Variants in SAP30BP observed in about 807,000 individuals in gnomAD.
SAP30BP encodes the protein SAP30 binding protein.
In SAP30BP, 31 loss-of-function variants were observed where a neutral mutation model predicts 46.3. The observed-to-expected ratio is 0.67, with a 90% CI of 0.50 to 0.90. The LOEUF (loss-of-function observed/expected upper bound fraction) is 0.90. SAP30BP is among the 40% of genes least tolerant of loss of function. The pLI, the probability that SAP30BP is intolerant of heterozygous loss-of-function variation, is 0.00. For missense variants in SAP30BP, 312 were observed against 391.0 expected (o/e 0.80, Z 1.70); for synonymous variants, 169 against 144.2 (o/e 1.17, Z -1.23).
intron 3 of SAP30BP, among the ~76,000 whole-genome samples, chr17:75,686,044 A>G (rs2148395609): frequency 6.6e-6 from 1 of 152,358 alleles, no homozygotes; most frequent in East Asian, 1.9e-4. Context: ...AACATGTTCC[A>G]TGTAACAACA....
chr17:75,703,277 T>C, intron 6 of SAP30BP, 34 bp from the exon 7 acceptor site: 1 of 1,607,018 alleles, frequency 6.2e-7, no homozygotes, highest in Non-Finnish European at 8.5e-7. Context: ...GGACGTGGAC[T>C]TGTGCCTGCT....
intron 4 of SAP30BP, among the ~76,000 whole-genome samples, chr17:75,699,517 A>AC (rs1568320614): frequency 6.6e-6 from 1 of 152,110 alleles, no homozygotes; most frequent in African/African-American, 2.4e-5. Flanking sequence ...AAAAAAAAAA[A>AC]AAAAACGGAA....
chr17:75,697,703 C>T (rs1366776943), intron 4 of SAP30BP, among the ~76,000 whole-genome samples: 2 of 152,204 alleles, frequency 1.3e-5, no homozygotes, highest in Admixed American at 6.5e-5. Flanking sequence ...GCCCCAGGCT[C>T]GACTCCTGTC....
chr17:75,695,839 C>G (rs1312645411), intron 4 of SAP30BP, among the ~76,000 whole-genome samples: 1 of 152,210 alleles, frequency 6.6e-6, no homozygotes, highest in African/African-American at 2.4e-5. Flanking sequence ...CATGCACACC[C>G]TGTCTGTGCC....
At chr17:75,705,009 C>G (rs2060473442) in intron 9 of SAP30BP, 195 bp downstream of exon 9, 1 of 583,658 alleles carries the variant, frequency 1.7e-6, no homozygotes, top group South Asian at 2.0e-5. Context: ...GCTGCTTTTG[C>G]CCTCGGAGAC....
At chr17:75,704,695 G>A in intron 8 of SAP30BP, 61 bp from the exon 9 acceptor site, 1 of 1,236,230 alleles carries the variant, frequency 8.1e-7, no homozygotes, top group Non-Finnish European at 1.2e-6. Flanking sequence ...ATCAGAGTAG[G>A]CTCCCTCAGC....
intron 3 of SAP30BP, among the ~76,000 whole-genome samples, chr17:75,689,378 A>G (rs1028108746): frequency 2.6e-5 from 4 of 151,618 alleles, no homozygotes; most frequent in Non-Finnish European, 5.9e-5. Flanking sequence ...CAGCCTCCCA[A>G]CTCCCCCAGC....
Position 75,706,388 on chromosome 17 carries a change from C to G in SAP30BP, c.794C>G (p.Thr265Arg). Residue 265 changes from threonine (T) to arginine (R), a missense_variant, in exon 11 of 11, where the codon ACG becomes AGG. Thr to Arg is a moderately conservative substitution (Grantham distance 71, BLOSUM62 -1). Transcript: ENST00000584667. The surrounding 1 kb of genome is among the most constrained non-coding windows in gnomAD (Gnocchi z 4.6). ...TGGGATTCGGCTATCCCAGTGACAA[C>G]GATAGCCCAGCCCACCATCCTCACC... is the stretch of plus-strand genomic sequence containing the variant. ...SKWDSAIPVT[T>R]IAQPTILTTT... The G allele has an allele frequency of 6.2e-7, 1 of 1,614,024 alleles. No homozygotes were observed. The highest frequency in any genetic ancestry group is 8.5e-7 in the Non-Finnish European group (1 of 1,180,002).
At chr17:75,683,198 C>G (rs1043453902) in intron 3 of SAP30BP, among the ~76,000 whole-genome samples, 1 of 150,622 alleles carries the variant, frequency 6.6e-6, no homozygotes, top group African/African-American at 2.4e-5. Context: ...TGCACACCAC[C>G]ACGCCTGGCC....
chr17:75,688,305 T>C (rs562854190), intron 3 of SAP30BP, among the ~76,000 whole-genome samples: 1 of 152,332 alleles, frequency 6.6e-6, no homozygotes, highest in African/African-American at 2.4e-5. Flanking sequence ...CATCAGGCCA[T>C]GGGCTGTCCC....
intron 3 of SAP30BP, among the ~76,000 whole-genome samples, chr17:75,677,107 T>A (rs2060002240): frequency 9.1e-5 from 1 of 11,018 alleles, no homozygotes; most frequent in Non-Finnish European, 1.9e-3. Flanking sequence ...GGCAGAAAAC[T>A]TTTTTTTTTT....
At chr17:75,667,595 A>C (rs534241889) in intron 1 of SAP30BP, 117 bp downstream of exon 1, 1 of 877,688 alleles carries the variant, frequency 1.1e-6, no homozygotes, top group South Asian at 1.5e-5. Flanking sequence ...GACCCCGAAG[A>C]ATGGTCCAGG....
At chr17:75,677,115 T>A (rs939176712) in intron 3 of SAP30BP, among the ~76,000 whole-genome samples, 2 of 150,174 alleles carry the variant, frequency 1.3e-5, no homozygotes, top group Admixed American at 6.6e-5. Flanking sequence ...ACTTTTTTTT[T>A]TTTTTTTTTT....
intron 9 of SAP30BP, 111 bp from the exon 10 acceptor site, chr17:75,705,897 A>G (rs961892545): frequency 2.7e-5 from 40 of 1,475,848 alleles, no homozygotes; most frequent in Middle Eastern, 1.7e-4. Flanking sequence ...TTCATTTCCA[A>G]TGCCTCTTTT....
intron 5 of SAP30BP, among the ~76,000 whole-genome samples, chr17:75,701,064 G>A (rs767906372): frequency 6.6e-6 from 1 of 152,128 alleles, no homozygotes; most frequent in Non-Finnish European, 1.5e-5. Flanking sequence ...TTCAGTCTCG[G>A]CTGAAGTCAC....
chr17:75,671,964 C>T, intron 3 of SAP30BP, 101 bp downstream of exon 3: 1 of 928,334 alleles, frequency 1.1e-6, no homozygotes, highest in Non-Finnish European at 1.8e-6. Context: ...CACTGACAAA[C>T]TGTGCAACTG....
intron 9 of SAP30BP, 67 bp from the exon 10 acceptor site, chr17:75,705,941 A>G: frequency 6.3e-7 from 1 of 1,599,654 alleles, no homozygotes; most frequent in South Asian, 1.1e-5. Context: ...CCAGGAGCTG[A>G]CGGATGGCAA....
At position 75,668,508 on chromosome 17, in the gene SAP30BP, C is replaced by T. The variant is rs767825459; in HGVS notation, c.107-8C>T. ...TTTTGTTTGTTTGTTTGTTTTTTAA[C>T]CTTTCAGAGGAGAAAGGCGGATTGG... On this transcript the variant is annotated splice_polypyrimidine_tract_variant and splice_region_variant and intron_variant, in intron 1 of 10. Transcript: ENST00000584667. 4 of 1,468,500 alleles carry T rather than the reference C, an allele frequency of 2.7e-6. No individual in the cohort carries two copies. The highest frequency in any genetic ancestry group is 3.7e-6 in the Non-Finnish European group (4 of 1,087,698). The allele number at this position is 1,468,500 out of a possible 1,614,324, so 91.0% of individuals were successfully genotyped here.
chr17:75,674,724 T>TTTTTTTTTTTTTTTTTTC (rs2059963977), intron 3 of SAP30BP, among the ~76,000 whole-genome samples: 1 of 143,960 alleles, frequency 6.9e-6, no homozygotes, highest in Non-Finnish European at 1.5e-5. Context: ...TTTTTTTTTT[T>TTTTTTTTTTTTTTTTTTC]TGAGGTGGAG....
Sources: allele counts gnomAD v4.1 joint callset (sites outside exome capture counted in the v4.1 genomes callset), GRCh38; gene constraint gnomAD v4.1.1; non-coding constraint Gnocchi (gnomAD v3.1); transcripts MANE v1.5; gene names NCBI Gene and HGNC (gene_info 2026-07-23, HGNC 2026-07-21).